GARNL3: variants seen among roughly 807,000 people sequenced by gnomAD.
GARNL3 encodes the protein GTPase-activating Rap/Ran-GAP domain-like protein 3.
GARNL3 carries 63 observed loss-of-function variants against 125.0 expected under a neutral mutation model. That is an observed-to-expected ratio of 0.50 (90% CI 0.41 to 0.62). The LOEUF (loss-of-function observed/expected upper bound fraction) is 0.62, where lower values mean the gene tolerates loss of function less well. GARNL3 is among the 20% of genes least tolerant of loss of function. GARNL3 has a pLI of 0.00. For missense variants in GARNL3, 994 were observed against 1,244.0 expected (o/e 0.80, Z 3.02); for synonymous variants, 439 against 457.5 (o/e 0.96, Z 0.52).
At chr9:127,333,631 A>G (rs995155407) in intron 9 of GARNL3, among the ~76,000 whole-genome samples, 4 of 152,076 alleles carry the variant, frequency 2.6e-5, no homozygotes, top group Non-Finnish European at 5.9e-5. Flanking sequence ...GCGAGTCGGA[A>G]TAATTGGAGG....
At chr9:127,308,040 C>T (rs1289710706) in intron 2 of GARNL3, among the ~76,000 whole-genome samples, 2 of 152,192 alleles carry the variant, frequency 1.3e-5, no homozygotes, top group Non-Finnish European at 2.9e-5. Flanking sequence ...ACCAGGAGTA[C>T]TGCCAGTAGT....
At chr9:127,306,582 C>A (rs1307389210) in intron 2 of GARNL3, among the ~76,000 whole-genome samples, 1 of 152,138 alleles carries the variant, frequency 6.6e-6, no homozygotes, top group African/African-American at 2.4e-5. Flanking sequence ...AAAAAATTAG[C>A]CGGGCGTGGT....
Position 127,339,761 on chromosome 9 carries a change from T to TG in GARNL3, c.1135+11dup. On this transcript the variant is annotated intron_variant, in intron 13 of 27. Transcript: ENST00000373387. ...TTTTTGCTAGTGAAATGTAAGTTTC[T>TG]GTTTTGAAACAATTTTGCAACTTGT... The TG allele has an allele frequency of 1.3e-6, 2 of 1,567,834 alleles. No individual in the cohort carries two copies. The highest frequency in any genetic ancestry group is 1.8e-6 in the Non-Finnish European group (2 of 1,137,768).
At chr9:127,353,058 CG>C (rs1400383655) in intron 17 of GARNL3, among the ~76,000 whole-genome samples, 1 of 152,098 alleles carries the variant, frequency 6.6e-6, no homozygotes, top group Non-Finnish European at 1.5e-5. Context: ...CCTGTGTCCT[CG>C]GAGCCCTCAG....
chr9:127,382,242 A>G (rs568340529), intron 22 of GARNL3, among the ~76,000 whole-genome samples: 3 of 151,972 alleles, frequency 2.0e-5, no homozygotes, highest in Non-Finnish European at 2.9e-5. Flanking sequence ...AGAGGTTGCA[A>G]TGAGCTGAGA....
chr9:127,275,796 T>C (rs1025082035), intron 1 of GARNL3, among the ~76,000 whole-genome samples: 1 of 152,252 alleles, frequency 6.6e-6, no homozygotes, highest in Non-Finnish European at 1.5e-5. Flanking sequence ...TTAAAGCAGT[T>C]ACTTTGGGTT....
chr9:127,311,762 A>T, intron 3 of GARNL3, 27 bp downstream of exon 3: 1 of 1,452,034 alleles, frequency 6.9e-7, no homozygotes, highest in East Asian at 2.3e-5. Flanking sequence ...GGTGGTAGGG[A>T]AGAAAGGGTA....
intron 1 of GARNL3, among the ~76,000 whole-genome samples, chr9:127,281,473 C>T (rs752922613): frequency 2.4e-4 from 36 of 152,268 alleles, no homozygotes; most frequent in Admixed American, 7.8e-4. Flanking sequence ...CTGCCTGCCA[C>T]CTGGTTGGTT....
At chr9:127,302,163 C>G (rs894364335) in intron 2 of GARNL3, among the ~76,000 whole-genome samples, 3 of 151,694 alleles carry the variant, frequency 2.0e-5, no homozygotes, top group Non-Finnish European at 2.9e-5. Flanking sequence ...AGGATGGTCT[C>G]GATCTCCTGA....
chr9:127,315,328 G>A (rs765446620), intron 4 of GARNL3, among the ~76,000 whole-genome samples: 3 of 152,104 alleles, frequency 2.0e-5, no homozygotes, highest in Non-Finnish European at 4.4e-5. Context: ...CATCTTCTAG[G>A]TTATAAAGCA....
chr9:127,227,403 C>A (rs1300752124), intron 1 of GARNL3, among the ~76,000 whole-genome samples: 3 of 152,044 alleles, frequency 2.0e-5, no homozygotes, highest in Non-Finnish European at 4.4e-5. Context: ...GAGTTTGAGA[C>A]CAGCTTGGCC....
At chr9:127,310,108 G>A (rs1347728331) in intron 2 of GARNL3, among the ~76,000 whole-genome samples, 1 of 152,106 alleles carries the variant, frequency 6.6e-6, no homozygotes, top group Non-Finnish European at 1.5e-5. Flanking sequence ...TAAATGATTT[G>A]GGGAAAATTG....
intron 1 of GARNL3, among the ~76,000 whole-genome samples, chr9:127,283,634 C>T (rs964478800): frequency 3.3e-5 from 5 of 152,164 alleles, no homozygotes; most frequent in African/African-American, 9.7e-5. Flanking sequence ...TGTGCCACTA[C>T]ACCCCAGCTT....
upstream of GARNL3, chr9:127,264,635 A>G (rs1033450959): frequency 4.4e-6 from 5 of 1,139,700 alleles, no homozygotes; most frequent in Non-Finnish European, 5.4e-6. Context: ...CTCTGGTTAT[A>G]CAGAAATGAA....
At chr9:127,381,374 C>T (rs1051943622) in intron 22 of GARNL3, among the ~76,000 whole-genome samples, 1 of 150,624 alleles carries the variant, frequency 6.6e-6, no homozygotes, top group African/African-American at 2.4e-5. Context: ...TTTTTTATTC[C>T]TTTTTTTTTC....
intron 27 of GARNL3, among the ~76,000 whole-genome samples, chr9:127,391,700 C>CAA (rs11357196): frequency 4.9e-4 from 38 of 76,864 alleles, no homozygotes; most frequent in African/African-American, 1.7e-3. Flanking sequence ...GACCCCGTGT[C>CAA]AAAAAAAAAA....
chr9:127,307,939 C>G (rs915673772), intron 2 of GARNL3, among the ~76,000 whole-genome samples: 2 of 152,148 alleles, frequency 1.3e-5, no homozygotes, highest in African/African-American at 4.8e-5. Flanking sequence ...GGCTGGACTC[C>G]CCCTATGTCT....
chr9:127,362,321 C>T (rs1588935809), intron 21 of GARNL3: 1 of 152,182 alleles, frequency 6.6e-6, no homozygotes, highest in East Asian at 1.9e-4. Flanking sequence ...TCAGGCCCAC[C>T]TCGGCCTCCC....
chr9:127,233,079 T>C (rs527877083), intron 1 of GARNL3, among the ~76,000 whole-genome samples: 2 of 152,152 alleles, frequency 1.3e-5, no homozygotes, highest in Admixed American at 1.3e-4. Flanking sequence ...TAAAAATTAG[T>C]TGGGCATGGT....
Sources: gnomAD v4.1 joint callset for allele counts (sites outside exome capture counted in the v4.1 genomes callset) on GRCh38, gnomAD v4.1.1 for gene constraint, MANE v1.5 for transcripts, NCBI Gene and HGNC (gene_info 2026-07-23, HGNC 2026-07-21) for gene names.